Variants in ITGA9 observed in about 807,000 individuals in gnomAD.
ITGA9 encodes the protein integrin alpha-9.
A neutral mutation model predicts 127.8 loss-of-function variants in ITGA9; 56 were observed. That is an observed-to-expected ratio of 0.44 (90% CI 0.35 to 0.55). ITGA9 has a LOEUF of 0.55. Ranked by LOEUF, ITGA9 falls within the 20% of genes least tolerant of loss-of-function variation. The probability of loss-of-function intolerance (pLI) is 0.00; values close to 1 mark genes in which losing one functional copy is unlikely to be tolerated. For synonymous variants in ITGA9, 508 were observed against 514.5 expected (o/e 0.99, Z 0.17); for missense variants, 1,196 against 1,347.1 (o/e 0.89, Z 1.76).
intron 18 of ITGA9, among the ~76,000 whole-genome samples, chr3:37,690,365 C>T (rs760746383): frequency 1.3e-5 from 2 of 152,156 alleles, no homozygotes; most frequent in Non-Finnish European, 2.9e-5. Context: ...CTGATGCCTG[C>T]TGTTACAGGC....
chr3:37,562,601 C>A (rs1699504498), intron 15 of ITGA9, among the ~76,000 whole-genome samples: 1 of 152,186 alleles, frequency 6.6e-6, no homozygotes, highest in South Asian at 2.1e-4. Flanking sequence ...TTCCTGTTAG[C>A]CAGTTTCCTC....
chr3:37,814,239 A>G lies in ITGA9; in HGVS notation c.3010-4652A>G, dbSNP rs6766102. On this transcript the variant is annotated intron_variant, in intron 27 of 27. Coordinates refer to ENST00000264741, the MANE Select transcript of ITGA9 (RefSeq NM_002207.3). This position sits in a 1 kb window ranked among gnomAD's most constrained non-coding sequence, Gnocchi z 4.3. ...TGAGAATCCCATTGATCTCTTAGGCAGAGACGAAGACACTATGGCTCGAAG... is the reference window on the plus strand; with the variant it reads ...TGAGAATCCCATTGATCTCTTAGGCGGAGACGAAGACACTATGGCTCGAAG... Among the ~76,000 whole-genome samples the G allele has an allele frequency of 0.013, 1,929 of 152,296 alleles. 33 individuals are homozygous for G. The highest frequency in any genetic ancestry group is 0.042 in the African/African-American group (1,753 of 41,556).
intron 15 of ITGA9, among the ~76,000 whole-genome samples, chr3:37,565,321 A>C (rs1029234547): frequency 6.6e-6 from 1 of 152,204 alleles, no homozygotes; most frequent in Non-Finnish European, 1.5e-5. Flanking sequence ...GCAAGCACAC[A>C]TGCCTCCTAT....
chr3:37,766,621 A>G (rs1049011543), intron 23 of ITGA9, among the ~76,000 whole-genome samples: 1 of 152,180 alleles, frequency 6.6e-6, no homozygotes, highest in Non-Finnish European at 1.5e-5. Flanking sequence ...GATGGGTCTG[A>G]GCTTCATTCT....
At chr3:37,455,902 G>A (rs1039806477) in intron 1 of ITGA9, among the ~76,000 whole-genome samples, 1 of 152,192 alleles carries the variant, frequency 6.6e-6, no homozygotes, top group Non-Finnish European at 1.5e-5. Flanking sequence ...ACATCTCAAA[G>A]CATGTGAATG....
At chr3:37,664,889 A>T (rs760189925) in intron 17 of ITGA9, among the ~76,000 whole-genome samples, 10 of 151,922 alleles carry the variant, frequency 6.6e-5, no homozygotes, top group Non-Finnish European at 1.3e-4. Context: ...TCAGAACATT[A>T]GCCGTGTAAT....
intron 4 of ITGA9, among the ~76,000 whole-genome samples, chr3:37,482,740 A>C (rs1410185488): frequency 6.6e-6 from 1 of 152,178 alleles, no homozygotes; most frequent in Admixed American, 6.5e-5. Context: ...AAGAGCCAGC[A>C]AGATCTCTGC....
chr3:37,789,569 C>A (rs1325609391), intron 26 of ITGA9, among the ~76,000 whole-genome samples: 1 of 149,264 alleles, frequency 6.7e-6, no homozygotes, highest in Non-Finnish European at 1.5e-5. Context: ...ACCATCCTGG[C>A]TAACGTGGTG....
intron 17 of ITGA9, among the ~76,000 whole-genome samples, chr3:37,676,488 A>G (rs1700683829): frequency 6.6e-6 from 1 of 152,200 alleles, no homozygotes; most frequent in Non-Finnish European, 1.5e-5. Flanking sequence ...AGCATGTCAG[A>G]GGCTTAATTC....
chr3:37,718,011 C>T (rs1370952613), intron 18 of ITGA9, among the ~76,000 whole-genome samples: 1 of 152,206 alleles, frequency 6.6e-6, no homozygotes, highest in Non-Finnish European at 1.5e-5. Flanking sequence ...CCCATGCATT[C>T]ATCATGTGAG....
intron 17 of ITGA9, among the ~76,000 whole-genome samples, chr3:37,663,258 A>T (rs929973868): frequency 8.5e-5 from 13 of 152,234 alleles, no homozygotes; most frequent in African/African-American, 2.9e-4. Context: ...CATATGATAA[A>T]GAAAAAGACT....
intron 1 of ITGA9, among the ~76,000 whole-genome samples, chr3:37,466,483 C>CAAAAAAA (rs60980366): frequency 0.026 from 667 of 26,056 alleles, 183 homozygotes; most frequent in African/African-American, 0.037. Flanking sequence ...GACACCATCT[C>CAAAAAAA]AAAAAAAAAA....
chr3:37,682,590 A>G (rs950308688), intron 17 of ITGA9, among the ~76,000 whole-genome samples: 1 of 152,170 alleles, frequency 6.6e-6, no homozygotes, highest in Non-Finnish European at 1.5e-5. Context: ...ATCCTAGCCC[A>G]GACCCCTCCT....
At chr3:37,769,900 G>T (rs1323166150) in intron 23 of ITGA9, among the ~76,000 whole-genome samples, 1 of 152,136 alleles carries the variant, frequency 6.6e-6, no homozygotes, top group Non-Finnish European at 1.5e-5. Context: ...GGTGGTGTTT[G>T]GGCTTCAGTA....
At chr3:37,459,908 G>C (rs1553640422) in intron 1 of ITGA9, among the ~76,000 whole-genome samples, 1 of 152,148 alleles carries the variant, frequency 6.6e-6, no homozygotes, top group Non-Finnish European at 1.5e-5. Context: ...CTACTCTTGG[G>C]GGGATGCTAG....
chr3:37,673,958 AT>A (rs1467115826), intron 17 of ITGA9, among the ~76,000 whole-genome samples: 1 of 152,184 alleles, frequency 6.6e-6, no homozygotes, highest in African/African-American at 2.4e-5. Flanking sequence ...TTCTAGCTCC[AT>A]TACAGAGATA....
rs1454678293 is a variant in ITGA9, at chr3:37,822,934, T to C, written c.*3945T>C. On this transcript the variant is annotated 3_prime_UTR_variant, in exon 28 of 28. Transcript: ENST00000264741. ...AAGGATTGTCACTTGGAGCCTTTAG[T>C]AGACAAAAGGCAGAAAGTGAGCATC... 1.3e-5 allele frequency: 2 copies of C among 152,184 alleles called. No homozygotes were observed. The highest frequency in any genetic ancestry group is 1.5e-5 in the Non-Finnish European group (1 of 68,036). The allele number at this position is 152,184 out of a possible 1,614,324, so 9.4% of individuals were successfully genotyped here.
intron 5 of ITGA9, among the ~76,000 whole-genome samples, chr3:37,499,409 TCTG>T (rs1320333910): frequency 6.6e-6 from 1 of 152,362 alleles, no homozygotes; most frequent in South Asian, 2.1e-4. Context: ...CTCTAGGTGT[TCTG>T]CTAATAAATG....
intron 26 of ITGA9, among the ~76,000 whole-genome samples, chr3:37,788,816 ATTC>A (rs1697071063): frequency 6.6e-6 from 1 of 152,082 alleles, no homozygotes; most frequent in South Asian, 2.1e-4. Context: ...TAATTTAATT[ATTC>A]TTTAAATTTT....
Sources: gnomAD v4.1 joint callset for allele counts (sites outside exome capture counted in the v4.1 genomes callset) on GRCh38, gnomAD v4.1.1 for gene constraint, Gnocchi (gnomAD v3.1) non-coding constraint, MANE v1.5 for transcripts, NCBI Gene and HGNC (gene_info 2026-07-23, HGNC 2026-07-21) for gene names.